SHISA9: variants seen among roughly 807,000 people sequenced by gnomAD.
SHISA9 encodes the protein shisa family member 9, also known as protein shisa-9.
Under a neutral mutation model 38.0 loss-of-function variants are expected in SHISA9, and 13 were observed. The ratio of observed to expected loss-of-function variants is 0.34; its 90% confidence interval spans 0.22 to 0.54. SHISA9 has a LOEUF of 0.54. Among genes scored for constraint, SHISA9 ranks in the 20% least tolerant of loss-of-function variants. The probability of loss-of-function intolerance (pLI) is 0.91; values close to 1 mark genes in which losing one functional copy is unlikely to be tolerated. For synonymous variants in SHISA9, 275 were observed against 242.0 expected (o/e 1.14, Z -1.27); for missense variants, 538 against 575.8 (o/e 0.93, Z 0.67).
chr16:13,503,047 C>CA, the SHISA9 span, among the ~76,000 whole-genome samples: 28 of 152,182 alleles, frequency 1.8e-4, no homozygotes, highest in African/African-American at 6.5e-4. Flanking sequence ...ACAGGGACGA[C>CA]ATGGCAGTTC....
the SHISA9 span, among the ~76,000 whole-genome samples, chr16:13,265,730 T>G: frequency 6.6e-6 from 1 of 151,908 alleles, no homozygotes; most frequent in Non-Finnish European, 1.5e-5. Context: ...ATGAAACCAA[T>G]GAGACACTTT....
downstream of SHISA9, among the ~76,000 whole-genome samples, chr16:13,243,737 G>C (rs12928591): frequency 3.3e-5 from 5 of 149,466 alleles, no homozygotes; most frequent in Non-Finnish European, 1.5e-5. Context: ...TGTTTCAGGG[G>C]CCTTAGAATT....
the SHISA9 span, among the ~76,000 whole-genome samples, chr16:13,321,165 A>G: frequency 6.6e-6 from 1 of 152,250 alleles, no homozygotes; most frequent in Non-Finnish European, 1.5e-5. Flanking sequence ...TTCTAAATGC[A>G]ACCACGATTC....
rs941121450 is a variant in SHISA9, at chr16:13,239,353, G to T, written c.*3944G>T. On this transcript the variant is annotated 3_prime_UTR_variant, in exon 5 of 5. Transcript: ENST00000558583. ...TTATAGTCCTTTGGGTATATACCCA[G>T]TAATGGGATGGCTGGGTCAAATGGT... The T allele has an allele frequency of 9.5e-4, 143 of 151,314 alleles. No homozygotes were observed. The highest frequency in any genetic ancestry group is 3.4e-3 in the African/African-American group (140 of 41,206). 9.4% of individuals were successfully genotyped at this position (151,314 alleles called of 1,614,324 possible). A position where few individuals can be genotyped will look rare whatever the true frequency, so the allele number is the denominator to read the frequency against.
chr16:13,465,245 C>T, the SHISA9 span, among the ~76,000 whole-genome samples: 3 of 152,186 alleles, frequency 2.0e-5, no homozygotes, highest in Non-Finnish European at 4.4e-5. Flanking sequence ...ACCAAAAATG[C>T]CTCCAGGCAT....
chr16:12,913,330 G>A (rs756615596), intron 1 of SHISA9, among the ~76,000 whole-genome samples: 32 of 152,008 alleles, frequency 2.1e-4, no homozygotes, highest in Non-Finnish European at 3.4e-4. Flanking sequence ...CTGAGTAGCC[G>A]GGATTACAGG....
At chr16:13,001,508 G>A (rs1567177732) in intron 2 of SHISA9, among the ~76,000 whole-genome samples, 1 of 152,120 alleles carries the variant, frequency 6.6e-6, no homozygotes. Flanking sequence ...ATTTAAAATT[G>A]CAATGCCCCA....
At chr16:13,177,933 G>A (rs2052890978) in intron 2 of SHISA9, among the ~76,000 whole-genome samples, 1 of 152,188 alleles carries the variant, frequency 6.6e-6, no homozygotes, top group Admixed American at 6.5e-5. Flanking sequence ...CTCCCAAAGT[G>A]CTGGGATTAC....
the SHISA9 span, among the ~76,000 whole-genome samples, chr16:13,414,028 A>G: frequency 6.6e-6 from 1 of 152,236 alleles, no homozygotes; most frequent in Admixed American, 6.5e-5. Flanking sequence ...TTTTTTCCCA[A>G]ATCCCACCAC....
chr16:12,939,530 T>C (rs1181880596), intron 2 of SHISA9, among the ~76,000 whole-genome samples: 1 of 152,212 alleles, frequency 6.6e-6, no homozygotes, highest in East Asian at 1.9e-4. Flanking sequence ...ACTATGAGAA[T>C]GAGCGTGGAC....
chr16:13,419,475 A>AT, the SHISA9 span, among the ~76,000 whole-genome samples: 14 of 152,198 alleles, frequency 9.2e-5, no homozygotes, highest in Non-Finnish European at 1.6e-4. Context: ...AAGAACAACT[A>AT]TTTTTTCCTA....
the SHISA9 span, among the ~76,000 whole-genome samples, chr16:13,540,193 C>CCACA: frequency 5.9e-3 from 877 of 149,730 alleles, 12 homozygotes; most frequent in East Asian, 0.03. Flanking sequence ...GCATACATGC[C>CCACA]CACACACACA....
chr16:13,337,319 G>C, the SHISA9 span, among the ~76,000 whole-genome samples: 1 of 152,112 alleles, frequency 6.6e-6, no homozygotes, highest in African/African-American at 2.4e-5. Flanking sequence ...CACGAGATCT[G>C]ATGGTTTTAT....
At chr16:12,973,945 T>G (rs2141815038) in intron 2 of SHISA9, among the ~76,000 whole-genome samples, 1 of 152,348 alleles carries the variant, frequency 6.6e-6, no homozygotes, top group Middle Eastern at 3.4e-3. Context: ...GCCTGTGGCA[T>G]AAAAGTATGC....
intron 2 of SHISA9, among the ~76,000 whole-genome samples, chr16:13,023,103 T>C (rs1244190251): frequency 6.6e-6 from 1 of 152,168 alleles, no homozygotes; most frequent in Non-Finnish European, 1.5e-5. Flanking sequence ...ATGTGCCATG[T>C]TGGTTTGCTG....
chr16:13,231,121 G>T (rs539022096), intron 4 of SHISA9, among the ~76,000 whole-genome samples: 4 of 152,318 alleles, frequency 2.6e-5, no homozygotes, highest in Non-Finnish European at 5.9e-5. Context: ...TCAAGATGGG[G>T]TTGCTCTGGT....
rs183601105 is a variant in SHISA9 at position 13,069,402 on chromosome 16, T to C, written c.692-133992T>C. Among the ~76,000 whole-genome samples, 158 of 152,288 alleles carry C rather than the reference T, an allele frequency of 1.0e-3. 2 individuals carry two copies. The highest frequency in any genetic ancestry group is 1.8e-3 in the Non-Finnish European group (120 of 68,002). On this transcript the variant is annotated intron_variant, in intron 2 of 4. Coordinates refer to ENST00000558583, the MANE Select transcript of SHISA9 (RefSeq NM_001145204.3). The stretch of plus-strand genomic sequence containing the variant: ...TACATGCAATGTGTATGTGTGTACA[T>C]ACAATGTGTGCATGTGTGTGTATGT...
chr16:13,470,109 T>C, the SHISA9 span, among the ~76,000 whole-genome samples: 1 of 152,186 alleles, frequency 6.6e-6, no homozygotes, highest in Non-Finnish European at 1.5e-5. Context: ...ACCTTTAAAG[T>C]TTTTAATATT....
intron 2 of SHISA9, among the ~76,000 whole-genome samples, chr16:13,009,143 C>T (rs2072639465): frequency 6.6e-6 from 1 of 151,430 alleles, no homozygotes; most frequent in Non-Finnish European, 1.5e-5. Context: ...TCATGGTGGG[C>T]ACTGTTTTAA....
Sources: allele counts gnomAD v4.1 joint callset (sites outside exome capture counted in the v4.1 genomes callset), GRCh38; gene constraint gnomAD v4.1.1; transcripts MANE v1.5; gene names NCBI Gene and HGNC (gene_info 2026-07-23, HGNC 2026-07-21).